Variants in AFG2A observed in about 807,000 individuals in gnomAD.
AFG2A encodes ATPase family gene 2 protein homolog A.
the AFG2A span, among the ~76,000 whole-genome samples, chr4:123,198,039 G>C: frequency 1.3e-5 from 2 of 152,084 alleles, no homozygotes; most frequent in Non-Finnish European, 2.9e-5. Flanking sequence ...GGGAGGCTGA[G>C]GTGGGCAGAT....
At chr4:123,082,447 TG>T in the AFG2A span, among the ~76,000 whole-genome samples, 6 of 152,012 alleles carry the variant, frequency 3.9e-5, no homozygotes, top group Non-Finnish European at 7.4e-5. Context: ...TGTATTTATG[TG>T]GGTCTATTTC....
At chr4:123,297,718 C>A in the AFG2A span, among the ~76,000 whole-genome samples, 20 of 143,646 alleles carry the variant, frequency 1.4e-4, no homozygotes, top group Admixed American at 2.1e-4. Flanking sequence ...GACTCCATCT[C>A]AAAAAAAAAA....
the AFG2A span, among the ~76,000 whole-genome samples, chr4:123,202,431 A>G: frequency 0.015 from 2,303 of 152,250 alleles, 67 homozygotes; most frequent in African/African-American, 0.052. Context: ...TGGCCAGCAG[A>G]TGACTTTTTT....
the AFG2A span, chr4:122,947,166 G>A: frequency 4.3e-5 from 62 of 1,443,942 alleles, no homozygotes; most frequent in Admixed American, 4.4e-4. Context: ...TACAGCCAGT[G>A]TGTGCCTCTC....
At chr4:123,319,386 A>G in the AFG2A span, 1 of 152,350 alleles carries the variant, frequency 6.6e-6, no homozygotes, top group East Asian at 1.9e-4. Flanking sequence ...CACACACCAA[A>G]GCATCCTTTG....
chr4:122,959,693 A>G, the AFG2A span, among the ~76,000 whole-genome samples: 4 of 152,216 alleles, frequency 2.6e-5, no homozygotes, highest in South Asian at 6.2e-4. Flanking sequence ...TGTTTGTAGG[A>G]TATGAATACA....
At chr4:123,067,833 G>C in the AFG2A span, among the ~76,000 whole-genome samples, 1 of 152,198 alleles carries the variant, frequency 6.6e-6, no homozygotes, top group Non-Finnish European at 1.5e-5. Context: ...TGTAGTCTCT[G>C]TTACTGCTAT....
chr4:123,201,155 T>C, the AFG2A span, among the ~76,000 whole-genome samples: 1 of 152,244 alleles, frequency 6.6e-6, no homozygotes, highest in Non-Finnish European at 1.5e-5. Context: ...AATTTAAATG[T>C]TTCAAATACT....
the AFG2A span, chr4:123,314,055 T>C: frequency 1.3e-6 from 2 of 1,570,474 alleles, no homozygotes; most frequent in Non-Finnish European, 1.7e-6. Context: ...GTGGGCTGCA[T>C]ACACTCTGAG....
the AFG2A span, among the ~76,000 whole-genome samples, chr4:123,291,131 T>C: frequency 5.3e-5 from 8 of 152,224 alleles, no homozygotes; most frequent in African/African-American, 1.9e-4. Context: ...AGAAAGGCTA[T>C]TACTGCTTGC....
chr4:123,295,006 C>T, the AFG2A span, among the ~76,000 whole-genome samples: 17 of 152,332 alleles, frequency 1.1e-4, no homozygotes, highest in Admixed American at 9.2e-4. Flanking sequence ...CTTCCTCAAG[C>T]CCATGATTGC....
chr4:123,153,262 C>T, the AFG2A span, among the ~76,000 whole-genome samples: 201 of 152,288 alleles, frequency 1.3e-3, no homozygotes, highest in Non-Finnish European at 2.6e-3. Context: ...GCATGGCAGC[C>T]GAGTTCCAAG....
At chr4:122,950,970 G>A in the AFG2A span, among the ~76,000 whole-genome samples, 1 of 152,344 alleles carries the variant, frequency 6.6e-6, no homozygotes, top group Admixed American at 6.5e-5. Flanking sequence ...CAAAGGGTAA[G>A]TTGTCCCCTA....
chr4:123,184,547 T>C, the AFG2A span, among the ~76,000 whole-genome samples: 4 of 135,978 alleles, frequency 2.9e-5, no homozygotes, highest in African/African-American at 1.1e-4. Flanking sequence ...TTTTTTTTTT[T>C]TTTTTTTGAG....
the AFG2A span, among the ~76,000 whole-genome samples, chr4:123,031,026 T>A: frequency 1.3e-5 from 2 of 152,250 alleles, no homozygotes; most frequent in Non-Finnish European, 2.9e-5. Context: ...TAATTTGTCT[T>A]CTACTAGCAT....
chr4:122,973,466 G>GTT, the AFG2A span, among the ~76,000 whole-genome samples: 11 of 137,432 alleles, frequency 8.0e-5, no homozygotes, highest in African/African-American at 1.6e-4. Flanking sequence ...TTTTTTTCCT[G>GTT]TTTTTTTTTT....
chr4:123,308,538 T>C, the AFG2A span, among the ~76,000 whole-genome samples: 2 of 152,084 alleles, frequency 1.3e-5, no homozygotes, highest in African/African-American at 4.8e-5. Context: ...ACTGTGCATG[T>C]GAGGGATCCA....
the AFG2A span, among the ~76,000 whole-genome samples, chr4:123,301,117 A>G: frequency 1.3e-5 from 2 of 152,170 alleles, no homozygotes; most frequent in African/African-American, 4.8e-5. Context: ...TTTAGACTAT[A>G]ATGAAAGTTT....
At chr4:123,257,427 G>T in the AFG2A span, among the ~76,000 whole-genome samples, 1 of 152,210 alleles carries the variant, frequency 6.6e-6, no homozygotes, top group East Asian at 1.9e-4. Context: ...ATGCATTTTT[G>T]ACTTAGACAT....
Sources: allele counts gnomAD v4.1 joint callset (sites outside exome capture counted in the v4.1 genomes callset), GRCh38; gene constraint gnomAD v4.1.1; transcripts MANE v1.5; gene names NCBI Gene and HGNC (gene_info 2026-07-23, HGNC 2026-07-21).